The following DVL3 variants were observed in gnomAD, a reference collection of about 807,000 sequenced individuals.
DVL3 encodes the protein dishevelled segment polarity protein 3, also known as segment polarity protein dishevelled homolog DVL-3.
A neutral mutation model predicts 67.4 loss-of-function variants in DVL3; 27 were observed. The observed-to-expected ratio is 0.40, with a 90% CI of 0.30 to 0.55. DVL3 has a LOEUF of 0.55. Ranked by LOEUF, DVL3 falls within the 20% of genes least tolerant of loss-of-function variation. DVL3 has a pLI of 0.46. For missense variants in DVL3, 819 were observed against 1,021.5 expected (o/e 0.80, Z 2.70); for synonymous variants, 369 against 396.8 (o/e 0.93, Z 0.83).
At chr3:184,169,870 G>C (rs576769327) in intron 13 of DVL3, 136 bp from the exon 14 acceptor site, 3 of 771,214 alleles carry the variant, frequency 3.9e-6, no homozygotes, top group South Asian at 2.0e-5. Flanking sequence ...CTGCAGAAGG[G>C]GGGAGCTCTC....
chr3:184,160,051 T>C (rs1229635770), intron 1 of DVL3, among the ~76,000 whole-genome samples: 1 of 151,112 alleles, frequency 6.6e-6, no homozygotes, highest in African/African-American at 2.4e-5. Flanking sequence ...GCCATTCTCC[T>C]CCCTCAGCCT....
chr3:184,157,814 G>A (rs868453572), intron 1 of DVL3, among the ~76,000 whole-genome samples: 5 of 152,148 alleles, frequency 3.3e-5, no homozygotes, highest in Non-Finnish European at 1.5e-5. Flanking sequence ...TGGAGGAGAT[G>A]GATTCTGTTT....
In DVL3 at chr3:184,165,547, G is replaced by A. The variant is rs1238929861; in HGVS notation, c.763+56G>A. Reference sequence around the variant, plus strand: ...CCTGCTATATGCCAGACACTGGGCAGACTTGAGTTCAGAGAGCGTAGAATA... The same window carrying A: ...CCTGCTATATGCCAGACACTGGGCAAACTTGAGTTCAGAGAGCGTAGAATA... On this transcript the variant is annotated intron_variant, in intron 7 of 14. Coordinates refer to ENST00000313143, the MANE Select transcript of DVL3 (RefSeq NM_004423.4). The surrounding 1 kb of genome is among the most constrained non-coding windows in gnomAD (Gnocchi z 4.1). 8.7e-5 allele frequency: 131 copies of A among 1,507,868 alleles called. No individual in the cohort carries two copies. The highest frequency in any genetic ancestry group is 1.2e-4 in the Non-Finnish European group (128 of 1,084,156). 93.4% of individuals were successfully genotyped at this position (1,507,868 alleles called of 1,614,324 possible).
At chr3:184,169,189 G>A (rs1395970936) in intron 13 of DVL3, among the ~76,000 whole-genome samples, 1 of 152,192 alleles carries the variant, frequency 6.6e-6, no homozygotes, top group Non-Finnish European at 1.5e-5. Flanking sequence ...ACTGCTCCTT[G>A]TCCTAATTAA....
Position 184,165,524 on chromosome 3 carries a change from T to A in DVL3, c.763+33T>A. The A allele has an allele frequency of 6.3e-7, 1 of 1,589,414 alleles. No homozygotes were observed. The highest frequency in any genetic ancestry group is 8.6e-7 in the Non-Finnish European group (1 of 1,157,614). ...TGAGGAAACAGCACTCTCAAGCACC[T>A]GCTATATGCCAGACACTGGGCAGAC... On this transcript the variant is annotated intron_variant, in intron 7 of 14. Transcript: ENST00000313143. This position sits in a 1 kb window ranked among gnomAD's most constrained non-coding sequence, Gnocchi z 4.1.
Position 184,167,773 on chromosome 3 carries a change from A to G in DVL3, c.1330+62A>G, listed in dbSNP as rs1420007453. ...GGAGTGATGGGGCAGGGCAGGCCGG[A>G]GGGCCCAGGACTTGCCTTGGACCCT... On this transcript the variant is annotated intron_variant, in intron 12 of 14. Transcript: ENST00000313143. This position sits in a 1 kb window ranked among gnomAD's most constrained non-coding sequence, Gnocchi z 4.6. 6.3e-7 allele frequency: 1 copy of G among 1,589,176 alleles called. No individual in the cohort carries two copies. The highest frequency in any genetic ancestry group is 8.6e-7 in the Non-Finnish European group (1 of 1,167,512).
rs187470505 is a variant in DVL3, at chr3:184,163,901, A to C, written c.231+175A>C. Among the ~76,000 whole-genome samples the C allele has an allele frequency of 2.0e-5, 3 of 152,276 alleles. No individual in the cohort carries two copies. The highest frequency in any genetic ancestry group is 7.2e-5 in the African/African-American group (3 of 41,568). ...CTGTAACCTTTGATGAAAAGTGAGA[A>C]ATTAGTGGGAAGGGGGAAGAGGGAG... On this transcript the variant is annotated intron_variant, in intron 2 of 14. Transcript: ENST00000313143. This position sits in a 1 kb window ranked among gnomAD's most constrained non-coding sequence, Gnocchi z 4.5.
At chr3:184,169,964 T>C in intron 13 of DVL3, 42 bp from the exon 14 acceptor site, 1 of 1,533,528 alleles carries the variant, frequency 6.5e-7, no homozygotes, top group African/African-American at 1.4e-5. Flanking sequence ...TAGGGACCTC[T>C]CTCCGGAAAG....
Position 184,163,608 on chromosome 3 carries a change from T to C in DVL3, c.162-49T>C, listed in dbSNP as rs1012012688. 7.1e-6 allele frequency: 11 copies of C among 1,545,622 alleles called. No homozygotes were observed. Among genetic ancestry groups the C allele is most frequent in the Non-Finnish European group, 9.8e-6 (11 of 1,117,782 alleles). On this transcript the variant is annotated intron_variant, in intron 1 of 14. Coordinates refer to ENST00000313143, the MANE Select transcript of DVL3 (RefSeq NM_004423.4). This position sits in a 1 kb window ranked among gnomAD's most constrained non-coding sequence, Gnocchi z 4.5. Reference sequence around the variant, plus strand: ...CCTGAGAGTTGGGATTTGAGGATCCTCCATTTGCACCCTAGAAGGTTCTCT... The same window carrying C: ...CCTGAGAGTTGGGATTTGAGGATCCCCCATTTGCACCCTAGAAGGTTCTCT...
At chr3:184,169,954 T>C (rs1213243434) in intron 13 of DVL3, 52 bp from the exon 14 acceptor site, 1 of 1,505,944 alleles carries the variant, frequency 6.6e-7, no homozygotes, top group African/African-American at 1.4e-5. Context: ...TGACCTAGGC[T>C]AGGGACCTCT....
intron 1 of DVL3, among the ~76,000 whole-genome samples, chr3:184,158,336 A>G (rs1020317737): frequency 6.7e-6 from 1 of 149,878 alleles, no homozygotes; most frequent in East Asian, 1.9e-4. Context: ...GTGTTTCAGA[A>G]AAAAAAAAAA....
At chr3:184,162,560 C>CTTTTTTTTTTT (rs35869796) in intron 1 of DVL3, among the ~76,000 whole-genome samples, 8 of 123,538 alleles carry the variant, frequency 6.5e-5, no homozygotes, top group Non-Finnish European at 9.8e-5. Context: ...TTTTTCTTTT[C>CTTTTTTTTTTT]TTTTTTTTTT....
At chr3:184,160,003 G>A (rs766331713) in intron 1 of DVL3, among the ~76,000 whole-genome samples, 7 of 151,554 alleles carry the variant, frequency 4.6e-5, no homozygotes, top group South Asian at 2.1e-4. Context: ...GCAGTGGCAC[G>A]ATCTTGGTTC....
Position 184,170,418 on chromosome 3 carries a change from C to A in DVL3, c.1814C>A (p.Ser605Ter). The A allele has an allele frequency of 6.3e-7, 1 of 1,598,758 alleles. No homozygotes were observed. Among genetic ancestry groups the A allele is most frequent in the Admixed American group, 1.7e-5 (1 of 57,474 alleles). Residue 605 changes from serine to a stop codon, truncating the protein, a stop_gained, in exon 15 of 15, where the codon TCG becomes TAG. Transcript: ENST00000313143. LOFTEE classifies it low-confidence loss of function (END_TRUNC). The surrounding 1 kb of genome is among the most constrained non-coding windows in gnomAD (Gnocchi z 6.5). ...AAGTCCGGGGGCAGCGGCAGCGAAT[C>A]GGACCACACCACACGCAGCAGCCTG... ...DSKSGGSGSE[S>*]DHTTRSSLRG...
rs541068803 is a variant in DVL3 at position 184,164,290 on chromosome 3, C to T, written c.255C>T (p.His85=). 8 of 1,614,176 alleles carry T rather than the reference C, an allele frequency of 5.0e-6. No homozygotes were observed. Among genetic ancestry groups the T allele is most frequent in the African/African-American group, 4.0e-5 (3 of 75,066 alleles). The change falls in exon 3 of 15, where the codon CAC becomes CAT. Residue 85 remains histidine, a synonymous_variant. Coordinates refer to ENST00000313143, the MANE Select transcript of DVL3 (RefSeq NM_004423.4). The surrounding 1 kb of genome is among the most constrained non-coding windows in gnomAD (Gnocchi z 5.3). The part of the protein sequence containing the change: ...VSWLVSAEGS[H]PDPAPFCADN... ...AGCTGGTGTCAGCTGAGGGCTCACACCCAGACCCAGCCCCCTTCTGTGCTG... is the reference window on the plus strand; with the variant it reads ...AGCTGGTGTCAGCTGAGGGCTCACATCCAGACCCAGCCCCCTTCTGTGCTG...
chr3:184,165,163 ACAAG>A lies in DVL3; in HGVS notation c.652_655del (p.Lys218GlyfsTer64). 6.2e-7 allele frequency: 1 copy of A among 1,607,650 alleles called. No homozygotes were observed. Among genetic ancestry groups the A allele is most frequent in the Non-Finnish European group, 8.5e-7 (1 of 1,177,210 alleles). ...AGTGCCTCACGCCTGATGAGAAGAC[ACAAG>A]CGGCGGCGGCGGAAGCAGAAGGTTT... On this transcript the variant is annotated frameshift_variant, in exon 6 of 15. Transcript: ENST00000313143. LOFTEE classifies it high-confidence loss of function. The surrounding 1 kb of genome is among the most constrained non-coding windows in gnomAD (Gnocchi z 4.1).
chr3:184,156,648 T>A, intron 1 of DVL3: 1 of 356,414 alleles, frequency 2.8e-6, no homozygotes, highest in Non-Finnish European at 5.5e-6. Context: ...TCACTTTCCC[T>A]TTAAGAGGGG....
rs780354272 is a variant in DVL3, at chr3:184,170,041, T to C, written c.1534T>C (p.Ser512Pro). Residue 512 changes from serine to proline, a missense_variant, in exon 14 of 15, where the codon TCC becomes CCC. Ser to Pro is a moderately conservative substitution (Grantham distance 74, BLOSUM62 -1). Around this residue, in one of 3 missense-constraint regions of DVL3, gnomAD observed 324 missense variants for 331.3 expected, o/e 0.98. Coordinates refer to ENST00000313143, the MANE Select transcript of DVL3 (RefSeq NM_004423.4). The surrounding 1 kb of genome is among the most constrained non-coding windows in gnomAD (Gnocchi z 6.5). ...ANLSLHDHDG[S>P]SGASDQDTLA... is the part of the protein sequence containing the mutation. ...CCTGTCTCTCCACGATCACGATGGC[T>C]CCAGTGGCGCCTCTGACCAGGACAC... 1 of 1,612,820 alleles carries C rather than the reference T, an allele frequency of 6.2e-7. No homozygotes were observed. Among genetic ancestry groups the C allele is most frequent in the South Asian group, 1.1e-5 (1 of 90,918 alleles).
Position 184,164,385 on chromosome 3 carries a change from T to A in DVL3, c.350T>A (p.Phe117Tyr), listed in dbSNP as rs1327360467. The part of the protein sequence containing the change: ...GGIGDSRPPS[F>Y]HPHAGGGSQE... ...ATCGGGGACTCCCGACCCCCATCCT[T>A]CCAGTGAGTGTGACCTGAGGGTGGG... The change falls in exon 3 of 15, where the codon TTC becomes TAC. Residue 117 changes from phenylalanine (F) to tyrosine (Y), a missense_variant. Around this residue, in one of 3 missense-constraint regions of DVL3, gnomAD observed 385 missense variants for 486.8 expected, o/e 0.79. Coordinates refer to ENST00000313143, the MANE Select transcript of DVL3 (RefSeq NM_004423.4). The surrounding 1 kb of genome is among the most constrained non-coding windows in gnomAD (Gnocchi z 5.3). 1 of 1,613,426 alleles carries A rather than the reference T, an allele frequency of 6.2e-7. No homozygotes were observed.
Sources: gnomAD v4.1 joint callset for allele counts (sites outside exome capture counted in the v4.1 genomes callset) on GRCh38, gnomAD v4.1.1 for gene constraint, gnomAD v4.1.1 regional missense constraint, Gnocchi (gnomAD v3.1) non-coding constraint, MANE v1.5 for transcripts, NCBI Gene and HGNC (gene_info 2026-07-23, HGNC 2026-07-21) for gene names.